The following FOXN3 variants were observed in gnomAD, a reference collection of about 807,000 sequenced individuals.
FOXN3 encodes the protein forkhead box protein N3.
Under a neutral mutation model 38.4 loss-of-function variants are expected in FOXN3, and 7 were observed. The observed-to-expected ratio is 0.18, with a 90% CI of 0.10 to 0.34. FOXN3 has a LOEUF of 0.34. FOXN3 is among the 10% of genes least tolerant of loss of function. FOXN3 has a pLI of 1.00. For missense variants in FOXN3, 456 were observed against 613.4 expected (o/e 0.74, Z 2.71); for synonymous variants, 230 against 242.2 (o/e 0.95, Z 0.47).
At chr14:89,179,977 G>A (rs976150975) in intron 5 of FOXN3, among the ~76,000 whole-genome samples, 1 of 152,380 alleles carries the variant, frequency 6.6e-6, no homozygotes, top group East Asian at 1.9e-4. Context: ...CAGCTAGAGG[G>A]GCACGGAGTT....
chr14:89,453,625 C>T (rs1201692369), intron 1 of FOXN3, among the ~76,000 whole-genome samples: 3 of 148,264 alleles, frequency 2.0e-5, no homozygotes, highest in Non-Finnish European at 4.5e-5. Context: ...TAAATATGTA[C>T]GACCATCGTG....
intron 2 of FOXN3, among the ~76,000 whole-genome samples, chr14:89,366,931 A>T (rs79027738): frequency 0.015 from 2,276 of 152,338 alleles, 75 homozygotes; most frequent in African/African-American, 0.052. Context: ...GATCTTATCA[A>T]ATTGGCACAT....
At chr14:89,557,135 C>G (rs1224487500) in intron 1 of FOXN3, among the ~76,000 whole-genome samples, 1 of 152,222 alleles carries the variant, frequency 6.6e-6, no homozygotes, top group Non-Finnish European at 1.5e-5. Context: ...TGACTGTCCT[C>G]AAGGCCAGTA....
In FOXN3 at chr14:89,191,973, T is replaced by A. The variant is rs868343397; in HGVS notation, c.746-11167A>T. Among the ~76,000 whole-genome samples the A allele has an allele frequency of 5.7e-3, 771 of 135,138 alleles. 33 individuals are homozygous for A. Among genetic ancestry groups the A allele is most frequent in the African/African-American group, 0.023 (723 of 31,654 alleles). 88.7% of individuals were successfully genotyped at this position (135,138 alleles called of 152,430 possible). ...GTATATATATATATACACATATATATAACTATAATATATAATATATATTAG... is the reference window on the plus strand; with the variant it reads ...GTATATATATATATACACATATATAAAACTATAATATATAATATATATTAG... On this transcript the variant is annotated intron_variant, in intron 4 of 5. Transcript: ENST00000557258.
intron 4 of FOXN3, among the ~76,000 whole-genome samples, chr14:89,194,794 T>A (rs187317548): frequency 1.3e-5 from 2 of 152,058 alleles, no homozygotes; most frequent in East Asian, 3.9e-4. Context: ...AATCATACTT[T>A]CTTATATATA....
chr14:89,456,285 T>C (rs1220432449), intron 1 of FOXN3, among the ~76,000 whole-genome samples: 1 of 151,296 alleles, frequency 6.6e-6, no homozygotes, highest in African/African-American at 2.4e-5. Flanking sequence ...AACGTGCCCC[T>C]ACTCTCCTAA....
intron 1 of FOXN3, among the ~76,000 whole-genome samples, chr14:89,464,218 A>T (rs1892922640): frequency 6.6e-6 from 1 of 152,176 alleles, no homozygotes; most frequent in Non-Finnish European, 1.5e-5. Flanking sequence ...AGGAGGGGCC[A>T]TGAGATTCCT....
chr14:89,437,190 AC>A (rs55963402), intron 1 of FOXN3, among the ~76,000 whole-genome samples: 42,178 of 149,556 alleles, frequency 0.28, 6,217 homozygotes, highest in East Asian at 0.55. Flanking sequence ...ACAAAACAAA[AC>A]AAAAAAAAAC....
intron 1 of FOXN3, among the ~76,000 whole-genome samples, chr14:89,502,637 T>C (rs1893827017): frequency 1.3e-5 from 2 of 152,224 alleles, no homozygotes; most frequent in African/African-American, 4.8e-5. Flanking sequence ...TGATACAGTT[T>C]ACAACTGATG....
intron 1 of FOXN3, among the ~76,000 whole-genome samples, chr14:89,515,489 G>A (rs920583627): frequency 2.0e-5 from 3 of 152,068 alleles, no homozygotes; most frequent in Non-Finnish European, 4.4e-5. Context: ...ACTTTGGGAG[G>A]CTGAGGCGGG....
intron 1 of FOXN3, chr14:89,486,488 A>G (rs1893449475): frequency 6.6e-6 from 1 of 152,218 alleles, no homozygotes; most frequent in African/African-American, 2.4e-5. Context: ...TGGCATTTGC[A>G]TTTAAATATA....
At chr14:89,301,483 A>C (rs1175292082) in intron 3 of FOXN3, among the ~76,000 whole-genome samples, 1 of 151,674 alleles carries the variant, frequency 6.6e-6, no homozygotes, top group Non-Finnish European at 1.5e-5. Flanking sequence ...CTTAAAAAAA[A>C]ATGTGGTGGG....
intron 3 of FOXN3, among the ~76,000 whole-genome samples, chr14:89,346,030 C>T (rs527699764): frequency 9.2e-5 from 14 of 152,120 alleles, no homozygotes; most frequent in African/African-American, 2.9e-4. Flanking sequence ...TCCAGCCTGG[C>T]GACAGAGTGA....
chr14:89,409,041 A>C (rs540616990), intron 2 of FOXN3, among the ~76,000 whole-genome samples: 28 of 152,256 alleles, frequency 1.8e-4, no homozygotes, highest in South Asian at 4.1e-4. Context: ...TGCACCTCTC[A>C]CAGCAGCCAG....
At chr14:89,167,995 C>T (rs1216539630) in intron 5 of FOXN3, among the ~76,000 whole-genome samples, 4 of 152,088 alleles carry the variant, frequency 2.6e-5, no homozygotes, top group Admixed American at 6.5e-5. Flanking sequence ...GGCTCCCCAC[C>T]GAAGTTTTAA....
intron 5 of FOXN3, among the ~76,000 whole-genome samples, chr14:89,166,968 C>CTT (rs1887258791): frequency 6.6e-6 from 1 of 152,218 alleles, no homozygotes; most frequent in Non-Finnish European, 1.5e-5. Context: ...TAACCACTTT[C>CTT]TTAAAAATCA....
rs974143408 is a variant in FOXN3, at chr14:89,163,516, G to A, written c.852-547C>T. On this transcript the variant is annotated intron_variant, in intron 5 of 5. Coordinates refer to ENST00000557258, the MANE Select transcript of FOXN3 (RefSeq NM_005197.4). The surrounding 1 kb of genome is among the most constrained non-coding windows in gnomAD (Gnocchi z 4.3). ...TGCAATCTACAAATACTCACTGAGCGCCTAACAGAAATGCATGACCTTAGG... is the reference window on the plus strand; with the variant it reads ...TGCAATCTACAAATACTCACTGAGCACCTAACAGAAATGCATGACCTTAGG... 6.6e-6 allele frequency among the ~76,000 whole-genome samples: 1 copy of A among 152,070 alleles called. No homozygotes were observed. Among genetic ancestry groups the A allele is most frequent in the African/African-American group, 2.4e-5 (1 of 41,398 alleles).
intron 2 of FOXN3, among the ~76,000 whole-genome samples, chr14:89,380,371 G>C (rs983663688): frequency 6.6e-6 from 1 of 152,154 alleles, no homozygotes; most frequent in Admixed American, 6.5e-5. Flanking sequence ...CCCAGTCTCA[G>C]GTATGTCTTT....
At chr14:89,355,590 G>T (rs533171025) in intron 2 of FOXN3, among the ~76,000 whole-genome samples, 1 of 152,178 alleles carries the variant, frequency 6.6e-6, no homozygotes, top group African/African-American at 2.4e-5. Context: ...CATGGGTCAT[G>T]AAATGAACGG....
Sources: allele counts gnomAD v4.1 joint callset (sites outside exome capture counted in the v4.1 genomes callset), GRCh38; gene constraint gnomAD v4.1.1; non-coding constraint Gnocchi (gnomAD v3.1); transcripts MANE v1.5; gene names NCBI Gene and HGNC (gene_info 2026-07-23, HGNC 2026-07-21).